RABGAP1: variants seen among roughly 807,000 people sequenced by gnomAD.
RABGAP1 encodes rab GTPase-activating protein 1.
RABGAP1 carries 23 observed loss-of-function variants against 137.6 expected under a neutral mutation model. The observed-to-expected ratio is 0.17, with a 90% confidence interval of 0.12 to 0.24. The LOEUF is 0.24. Ranked by LOEUF, RABGAP1 falls within the 10% of genes least tolerant of loss-of-function variation. RABGAP1 has a pLI of 1.00. For synonymous variants in RABGAP1, 451 were observed against 450.7 expected (o/e 1.00, Z -0.01); for missense variants, 906 against 1,275.8 (o/e 0.71, Z 4.42).
intron 24 of RABGAP1, among the ~76,000 whole-genome samples, chr9:123,100,294 A>G (rs1220897260): frequency 6.6e-6 from 1 of 152,020 alleles, no homozygotes; most frequent in African/African-American, 2.4e-5. Flanking sequence ...GAACTTGGGA[A>G]AGTTCTGTGC....
chr9:123,005,140 C>G (rs1356365440), intron 10 of RABGAP1, among the ~76,000 whole-genome samples: 5 of 149,052 alleles, frequency 3.4e-5, no homozygotes, highest in Non-Finnish European at 5.9e-5. Context: ...TATGGAACTT[C>G]TTTTTGTCCT....
intron 13 of RABGAP1, among the ~76,000 whole-genome samples, chr9:123,048,648 T>C (rs1313472718): frequency 6.6e-6 from 1 of 152,216 alleles, no homozygotes; most frequent in Non-Finnish European, 1.5e-5. Flanking sequence ...ATCAGAAACA[T>C]TTGTTTGGAA....
intron 13 of RABGAP1, chr9:123,034,241 C>G: frequency 2.7e-6 from 1 of 366,204 alleles, no homozygotes; most frequent in Non-Finnish European, 4.9e-6. Flanking sequence ...CTACCCTTTC[C>G]CCCTACCCTC....
At chr9:123,026,473 T>C (rs929098047) in intron 13 of RABGAP1, among the ~76,000 whole-genome samples, 1 of 152,062 alleles carries the variant, frequency 6.6e-6, no homozygotes, top group African/African-American at 2.4e-5. Context: ...TCTATCAACA[T>C]GTGATAGACT....
At chr9:123,103,033 G>A (rs2035388445) in intron 25 of RABGAP1, 58 bp from the exon 26 acceptor site, 3 of 1,582,814 alleles carry the variant, frequency 1.9e-6, no homozygotes, top group Middle Eastern at 3.4e-4. Context: ...TCTCCTCTGG[G>A]GAGCCAGTGT....
At chr9:122,959,027 A>G (rs768111127) in intron 2 of RABGAP1, among the ~76,000 whole-genome samples, 1 of 152,006 alleles carries the variant, frequency 6.6e-6, no homozygotes, top group Non-Finnish European at 1.5e-5. Context: ...AAAAACCCTT[A>G]CTCTTACTCA....
upstream of RABGAP1, chr9:122,939,292 C>T (rs1833448329): frequency 6.6e-6 from 1 of 151,730 alleles, no homozygotes; most frequent in Non-Finnish European, 1.5e-5. Flanking sequence ...GAAGGATATA[C>T]TCTAAAGTAT....
intron 13 of RABGAP1, among the ~76,000 whole-genome samples, chr9:123,023,093 G>A (rs1034732092): frequency 6.6e-6 from 1 of 152,100 alleles, no homozygotes; most frequent in Middle Eastern, 3.2e-3. Context: ...AGTTACTCAT[G>A]TACCTTTCTA....
intron 4 of RABGAP1, among the ~76,000 whole-genome samples, chr9:122,988,264 C>G (rs1836469853): frequency 6.6e-6 from 1 of 152,288 alleles, no homozygotes; most frequent in African/African-American, 2.4e-5. Flanking sequence ...GATCCTCTTC[C>G]TAGGTATTTC....
At chr9:123,090,574 C>T (rs147176430) in intron 21 of RABGAP1, among the ~76,000 whole-genome samples, 189 bp downstream of exon 21, 26 of 152,376 alleles carry the variant, frequency 1.7e-4, no homozygotes, top group Non-Finnish European at 2.9e-4. Flanking sequence ...ACAAAGCCCT[C>T]CTTACCACAT....
At chr9:122,977,342 G>A (rs1835815380) in intron 2 of RABGAP1, among the ~76,000 whole-genome samples, 4 of 152,300 alleles carry the variant, frequency 2.6e-5, no homozygotes, top group African/African-American at 9.6e-5. Flanking sequence ...GGGAATGAGA[G>A]AAATCAAGGA....
chr9:122,950,381 T>C (rs1227986503), intron 1 of RABGAP1, among the ~76,000 whole-genome samples: 182 of 138,070 alleles, frequency 1.3e-3, no homozygotes, highest in African/African-American at 4.7e-3. Flanking sequence ...TTCTTTCTTT[T>C]TTTTTTTTTT....
chr9:122,932,773 C>T, the RABGAP1 span, among the ~76,000 whole-genome samples: 1 of 152,128 alleles, frequency 6.6e-6, no homozygotes, highest in African/African-American at 2.4e-5. Flanking sequence ...CTCAGGTGAT[C>T]CACCCGCCTT....
intron 1 of RABGAP1, among the ~76,000 whole-genome samples, chr9:122,941,396 C>G (rs957729309): frequency 1.4e-4 from 22 of 152,350 alleles, no homozygotes; most frequent in Admixed American, 6.5e-4. Flanking sequence ...TTTTGGCCCT[C>G]CCTCTGGTCC....
intron 10 of RABGAP1, among the ~76,000 whole-genome samples, chr9:123,009,399 A>G (rs1204002782): frequency 6.6e-6 from 1 of 152,172 alleles, no homozygotes; most frequent in Non-Finnish European, 1.5e-5. Context: ...TCTGGCTGAT[A>G]TTTCTATAGC....
At chr9:122,942,231 G>C (rs1385973586) in intron 1 of RABGAP1, among the ~76,000 whole-genome samples, 6 of 152,328 alleles carry the variant, frequency 3.9e-5, no homozygotes, top group Admixed American at 2.6e-4. Flanking sequence ...ACATTAAACT[G>C]ATGTTTGAAA....
chr9:123,061,124 T>C (rs947949328), intron 13 of RABGAP1, among the ~76,000 whole-genome samples: 1 of 152,164 alleles, frequency 6.6e-6, no homozygotes, highest in Non-Finnish European at 1.5e-5. Flanking sequence ...GTTGTTGTTG[T>C]TATTGTTGTA....
At chr9:123,090,810 GC>G (rs2035011198) in intron 21 of RABGAP1, among the ~76,000 whole-genome samples, 1 of 152,166 alleles carries the variant, frequency 6.6e-6, no homozygotes. Context: ...TCAGCAACTT[GC>G]AGTTTCATCA....
Position 123,071,484 on chromosome 9 carries a change from C to G in RABGAP1, c.1983+1060C>G, listed in dbSNP as rs188519870. On this transcript the variant is annotated intron_variant, in intron 15 of 25. Transcript: ENST00000373647. ...TTTTGAGTACCTGTTATGATCTGTA[C>G]TGTGCTGAAGATCAGAGGTAAATAA... The G allele has an allele frequency of 5.3e-5, 8 of 152,364 alleles. No individual in the cohort carries two copies. In the East Asian group the frequency reaches 1.3e-3, roughly 26 times the overall value. 9.4% of individuals were successfully genotyped at this position (152,364 alleles called of 1,614,324 possible). A position where few individuals can be genotyped will look rare whatever the true frequency, so the allele number is the denominator to read the frequency against.
Sources: allele counts gnomAD v4.1 joint callset (sites outside exome capture counted in the v4.1 genomes callset), GRCh38; gene constraint gnomAD v4.1.1; transcripts MANE v1.5; gene names NCBI Gene and HGNC (gene_info 2026-07-23, HGNC 2026-07-21).